CNTN4: variants seen among roughly 807,000 people sequenced by gnomAD.
CNTN4 encodes contactin-4.
A neutral mutation model predicts 122.5 loss-of-function variants in CNTN4; 77 were observed. The observed-to-expected ratio is 0.63, with a 90% CI of 0.52 to 0.76. The LOEUF (loss-of-function observed/expected upper bound fraction) is 0.76, where lower values mean the gene tolerates loss of function less well. CNTN4 is among the 30% of genes least tolerant of loss of function. The pLI is 0.00. For missense variants in CNTN4, 1,256 were observed against 1,259.1 expected, an observed-to-expected ratio of 1.00 and a Z score of 0.04; for synonymous variants, 512 against 447.0, an observed-to-expected ratio of 1.15 and a Z score of -1.83.
chr3:2,112,998 C>G (rs575157827), intron 2 of CNTN4, among the ~76,000 whole-genome samples: 30 of 152,204 alleles, frequency 2.0e-4, no homozygotes, highest in African/African-American at 7.0e-4. Flanking sequence ...GAGCACCAGA[C>G]CAAGTATTCA....
chr3:2,514,691 A>G (rs531312853), intron 3 of CNTN4, among the ~76,000 whole-genome samples: 97 of 152,248 alleles, frequency 6.4e-4, no homozygotes, highest in Admixed American at 1.4e-3. Context: ...AATAGCCCCC[A>G]GTAAAATGAA....
chr3:3,046,431 T>C (rs1202927982), intron 23 of CNTN4, among the ~76,000 whole-genome samples: 2 of 152,178 alleles, frequency 1.3e-5, no homozygotes, highest in Non-Finnish European at 2.9e-5. Context: ...GCGGATCTCT[T>C]GGCAGAAACT....
chr3:2,924,961 C>T (rs1477042847), intron 12 of CNTN4, among the ~76,000 whole-genome samples: 1 of 152,040 alleles, frequency 6.6e-6, no homozygotes, highest in South Asian at 2.1e-4. Context: ...AATCTTATGG[C>T]GTTCCTAATT....
intron 3 of CNTN4, among the ~76,000 whole-genome samples, chr3:2,523,572 G>C (rs1021232169): frequency 3.3e-5 from 5 of 151,974 alleles, no homozygotes; most frequent in African/African-American, 1.2e-4. Flanking sequence ...CTCAAGTCTG[G>C]ATTTGAGCTG....
intron 2 of CNTN4, among the ~76,000 whole-genome samples, chr3:2,333,309 C>G (rs1466750615): frequency 6.6e-6 from 1 of 152,212 alleles, no homozygotes; most frequent in Non-Finnish European, 1.5e-5. Context: ...GGTGATGATG[C>G]CTGTGTCACC....
chr3:2,981,280 T>A (rs1693958513), intron 13 of CNTN4, among the ~76,000 whole-genome samples: 1 of 151,680 alleles, frequency 6.6e-6, no homozygotes. Context: ...CCGTCTCTAC[T>A]AAAAATACAA....
chr3:2,901,045 A>G (rs1203429692), intron 11 of CNTN4, among the ~76,000 whole-genome samples: 2 of 152,248 alleles, frequency 1.3e-5, no homozygotes, highest in Non-Finnish European at 2.9e-5. Context: ...TGTGGTCTTC[A>G]AAGATTAACA....
At chr3:2,726,575 C>T (rs780215372) in intron 4 of CNTN4, among the ~76,000 whole-genome samples, 2 of 152,100 alleles carry the variant, frequency 1.3e-5, no homozygotes, top group Non-Finnish European at 2.9e-5. Context: ...AATTAGTGAC[C>T]CTGATATCTC....
At chr3:2,375,193 A>C (rs986883649) in intron 3 of CNTN4, among the ~76,000 whole-genome samples, 3 of 152,190 alleles carry the variant, frequency 2.0e-5, no homozygotes, top group Non-Finnish European at 4.4e-5. Flanking sequence ...CATAAAATAG[A>C]AATTGCTACC....
At chr3:2,171,399 T>G (rs193093266) in intron 2 of CNTN4, among the ~76,000 whole-genome samples, 5 of 152,334 alleles carry the variant, frequency 3.3e-5, no homozygotes, top group African/African-American at 9.6e-5. Context: ...TGTCTGTCTT[T>G]TGTGTGTAGA....
In CNTN4 at chr3:2,811,679, T is replaced by C. The variant is rs151006701; in HGVS notation, c.359-7807T>C. On this transcript the variant is annotated intron_variant, in intron 6 of 24. Transcript: ENST00000418658. ...AATTAATGTCAGGTTTTTGTTTTTG[T>C]TTTTAGACGGAGTCTTGCTCTGTCA... Among the ~76,000 whole-genome samples the C allele has an allele frequency of 2.2e-3, 331 of 150,772 alleles. 3 individuals carry two copies. Among genetic ancestry groups the C allele is most frequent in the African/African-American group, 7.9e-3 (324 of 41,092 alleles).
At chr3:2,664,857 T>G (rs1301034915) in intron 4 of CNTN4, among the ~76,000 whole-genome samples, 1 of 152,214 alleles carries the variant, frequency 6.6e-6, no homozygotes, top group African/African-American at 2.4e-5. Flanking sequence ...AAACCAACTT[T>G]CTTTGGAAGA....
intron 3 of CNTN4, among the ~76,000 whole-genome samples, chr3:2,503,447 A>G (rs1056009867): frequency 1.3e-5 from 2 of 152,194 alleles, no homozygotes; most frequent in Admixed American, 6.5e-5. Flanking sequence ...GCTATCATTC[A>G]TTGAGTGCTT....
chr3:2,952,133 A>G (rs1045005542), intron 13 of CNTN4, among the ~76,000 whole-genome samples: 2 of 152,234 alleles, frequency 1.3e-5, no homozygotes, highest in Non-Finnish European at 2.9e-5. Flanking sequence ...AGGCAGAAAT[A>G]CTTAGAAAAA....
chr3:2,571,487 G>A lies in CNTN4; in HGVS notation c.-17G>A, dbSNP rs570307282. The A allele has an allele frequency of 1.3e-4, 208 of 1,607,730 alleles. 1 individual carries two copies. In the South Asian group the frequency reaches 2.2e-3, roughly 17 times the overall value. On this transcript the variant is annotated 5_prime_UTR_variant, in exon 4 of 25. Transcript: ENST00000418658. The stretch of plus-strand genomic sequence containing the variant: ...TGTTATTGGACTTGAAACTCCCTTT[G>A]ACCTCGGAAACTGAAGATGAGGTTG...
chr3:2,459,775 G>A (rs1179124790), intron 3 of CNTN4, among the ~76,000 whole-genome samples: 1 of 152,106 alleles, frequency 6.6e-6, no homozygotes, highest in African/African-American at 2.4e-5. Flanking sequence ...AGCTAAATAA[G>A]CCCAACCAAT....
chr3:2,507,219 A>G (rs536978055), intron 3 of CNTN4, among the ~76,000 whole-genome samples: 1 of 152,120 alleles, frequency 6.6e-6, no homozygotes, highest in Non-Finnish European at 1.5e-5. Flanking sequence ...TCTTAAACAT[A>G]TTGAGGTTAA....
intron 14 of CNTN4, among the ~76,000 whole-genome samples, chr3:3,001,480 C>G (rs1381182231): frequency 6.6e-6 from 1 of 152,196 alleles, no homozygotes; most frequent in South Asian, 2.1e-4. Context: ...AAACTGGTAG[C>G]TCTCATGGCT....
At chr3:2,168,185 A>G (rs2036287294) in intron 2 of CNTN4, among the ~76,000 whole-genome samples, 1 of 152,198 alleles carries the variant, frequency 6.6e-6, no homozygotes, top group African/African-American at 2.4e-5. Context: ...ATATTGTTTC[A>G]AAAATGTTTT....
Sources: allele counts gnomAD v4.1 joint callset (sites outside exome capture counted in the v4.1 genomes callset), GRCh38; gene constraint gnomAD v4.1.1; transcripts MANE v1.5; gene names NCBI Gene and HGNC (gene_info 2026-07-23, HGNC 2026-07-21).